EEF2K: variants seen among roughly 807,000 people sequenced by gnomAD.
The protein encoded by EEF2K is eukaryotic elongation factor 2 kinase, also known as alternative protein EEF2K.
EEF2K carries 70 observed loss-of-function variants against 93.8 expected under a neutral mutation model. The observed-to-expected ratio is 0.75, with a 90% CI of 0.62 to 0.91. The LOEUF is 0.91. EEF2K is among the 40% of genes least tolerant of loss of function. The pLI, the probability that EEF2K is intolerant of heterozygous loss-of-function variation, is 0.00. For missense variants in EEF2K, 935 were observed against 972.9 expected (o/e 0.96, Z 0.52); for synonymous variants, 376 against 380.8 (o/e 0.99, Z 0.15).
intron 15 of EEF2K, among the ~76,000 whole-genome samples, chr16:22,269,548 C>T (rs1437836368): frequency 6.6e-6 from 1 of 151,916 alleles, no homozygotes; most frequent in African/African-American, 2.4e-5. Flanking sequence ...AATACAGGTG[C>T]CTGCCACCAC....
intron 17 of EEF2K, 47 bp downstream of exon 17, chr16:22,280,423 G>T: frequency 7.2e-7 from 1 of 1,390,500 alleles, no homozygotes; most frequent in Non-Finnish European, 9.4e-7. Flanking sequence ...GGCTGGGCAG[G>T]GAGGAACCTA....
chr16:22,242,976 T>G (rs1264473995), intron 2 of EEF2K, among the ~76,000 whole-genome samples: 2 of 151,686 alleles, frequency 1.3e-5, no homozygotes, highest in Non-Finnish European at 2.9e-5. Flanking sequence ...GGGTCCTAGC[T>G]ACTCAGGAGG....
intron 4 of EEF2K, 100 bp downstream of exon 4, chr16:22,248,915 A>C: frequency 8.5e-7 from 1 of 1,181,664 alleles, no homozygotes; most frequent in Non-Finnish European, 1.2e-6. Context: ...CACTTTATTT[A>C]ATTTTTGTAA....
intron 3 of EEF2K, among the ~76,000 whole-genome samples, chr16:22,246,673 A>G (rs1174034667): frequency 6.6e-6 from 1 of 152,054 alleles, no homozygotes; most frequent in Non-Finnish European, 1.5e-5. Flanking sequence ...TGAAGGCTTC[A>G]GAAATAGCCC....
At chr16:22,211,957 C>T (rs554729039) in intron 1 of EEF2K, among the ~76,000 whole-genome samples, 6 of 152,122 alleles carry the variant, frequency 3.9e-5, no homozygotes, top group South Asian at 2.1e-4. Context: ...GTCTGGCCAC[C>T]GAGAGGGCTG....
At position 22,221,652 on chromosome 16, in the gene EEF2K, C is replaced by T. The variant is rs371138315; in HGVS notation, c.-76-4002C>T. Among the ~76,000 whole-genome samples the T allele has an allele frequency of 2.0e-5, 3 of 152,106 alleles. 1 individual carries two copies. The highest frequency in any genetic ancestry group is 4.4e-5 in the Non-Finnish European group (3 of 68,018). ...AAGACTGTGCACCTGATGGACAGCA[C>T]TGTCAAAAAAATTGGAATTATTGGT... is the stretch of plus-strand genomic sequence containing the variant. On this transcript the variant is annotated intron_variant, in intron 1 of 17. Transcript: ENST00000263026.
intron 2 of EEF2K, among the ~76,000 whole-genome samples, chr16:22,243,570 T>A (rs2047247209): frequency 6.6e-6 from 1 of 151,806 alleles, no homozygotes; most frequent in African/African-American, 2.4e-5. Context: ...AAAAGTTTTA[T>A]ACCCCCGATG....
chr16:22,239,047 C>G (rs915046902), intron 2 of EEF2K, among the ~76,000 whole-genome samples: 1 of 150,758 alleles, frequency 6.6e-6, no homozygotes, highest in Non-Finnish European at 1.5e-5. Context: ...GAACCAGAGT[C>G]AGGGACATGA....
At position 22,287,782 on chromosome 16, in the gene EEF2K, G is replaced by C. The variant is rs1235283056; in HGVS notation, c.*3786G>C. The C allele has an allele frequency of 6.6e-6, 1 of 152,094 alleles. No homozygotes were observed. The highest frequency in any genetic ancestry group is 2.4e-5 in the African/African-American group (1 of 41,416). 9.4% of individuals were successfully genotyped at this position (152,094 alleles called of 1,614,324 possible). On this transcript the variant is annotated 3_prime_UTR_variant, in exon 18 of 18. Transcript: ENST00000263026. ...CTGGGAATTTATCAAATGCAGCTTTGACCTCCAAGCCAAGTAAACTGCTCT... is the reference window on the plus strand; with the variant it reads ...CTGGGAATTTATCAAATGCAGCTTTCACCTCCAAGCCAAGTAAACTGCTCT...
At chr16:22,225,567 A>G (rs769508059) in intron 1 of EEF2K, 87 bp from the exon 2 acceptor site, 41 of 1,113,842 alleles carry the variant, frequency 3.7e-5, no homozygotes, top group Admixed American at 1.1e-4. Flanking sequence ...AGCTCCTGCG[A>G]TAGCCTGCAG....
chr16:22,216,257 C>G (rs186777709), intron 1 of EEF2K, among the ~76,000 whole-genome samples: 2 of 152,282 alleles, frequency 1.3e-5, no homozygotes, highest in South Asian at 2.1e-4. Context: ...AACAGCCTAG[C>G]GCTGTGTAGT....
chr16:22,275,530 A>G (rs1371684891), intron 16 of EEF2K, among the ~76,000 whole-genome samples: 1 of 151,682 alleles, frequency 6.6e-6, no homozygotes. Flanking sequence ...TTAAATACAG[A>G]CAAGATTTCA....
intron 10 of EEF2K, 81 bp downstream of exon 10, chr16:22,258,776 G>C: frequency 6.4e-7 from 1 of 1,566,516 alleles, no homozygotes; most frequent in Non-Finnish European, 8.7e-7. Context: ...ATTTATGTTA[G>C]AAAAATCAGA....
chr16:22,280,262 G>A lies in EEF2K; in HGVS notation c.1954G>A (p.Glu652Lys), dbSNP rs1479517177. The stretch of plus-strand genomic sequence containing the variant: ...TGCCCTGGAGATGACGGACTGTGAT[G>A]AGGGCGGTGAGTACGACGGAATGCA... ...NTALEMTDCD[E>K]GGEYDGMQDE... Residue 652 changes from glutamate to lysine, a missense_variant, in exon 17 of 18, where the codon GAG becomes AAG. By Grantham distance (56) the Glu-to-Lys change is moderately conservative. Transcript: ENST00000263026. 4 of 1,605,786 alleles carry A rather than the reference G, an allele frequency of 2.5e-6. No homozygotes were observed. Among genetic ancestry groups the A allele is most frequent in the Non-Finnish European group, 2.6e-6 (3 of 1,176,250 alleles).
At chr16:22,231,252 C>G (rs2047111999) in intron 2 of EEF2K, among the ~76,000 whole-genome samples, 1 of 151,692 alleles carries the variant, frequency 6.6e-6, no homozygotes, top group Admixed American at 6.6e-5. Flanking sequence ...CCACGCCTTG[C>G]TAATTTTTTA....
chr16:22,243,088 G>T (rs1249528812), intron 2 of EEF2K, among the ~76,000 whole-genome samples: 3 of 151,760 alleles, frequency 2.0e-5, no homozygotes, highest in African/African-American at 7.3e-5. Context: ...AAATAAAAAA[G>T]GCAACATATC....
Position 22,266,801 on chromosome 16 carries a change from G to A in EEF2K, c.1689G>A (p.Glu563=), listed in dbSNP as rs2047527609. Residue 563 remains glutamate, a synonymous_variant, in exon 15 of 18, where the codon GAG becomes GAA. Transcript: ENST00000263026. The stretch of plus-strand genomic sequence containing the variant: ...TGGAGCACGCAGCCAACCTGGGCGA[G>A]CTGGAGGCCATCGTGGGCCTGGGAC... The part of the protein sequence containing the change: ...FHLEHAANLG[E]LEAIVGLGLM... 1.2e-6 allele frequency: 2 copies of A among 1,614,112 alleles called. No homozygotes were observed. The highest frequency in any genetic ancestry group is 1.7e-5 in the Admixed American group (1 of 60,008).
chr16:22,246,014 A>T (rs988628900), intron 3 of EEF2K, among the ~76,000 whole-genome samples: 5 of 152,062 alleles, frequency 3.3e-5, no homozygotes, highest in Admixed American at 6.6e-5. Flanking sequence ...ATAGCATCAG[A>T]TCCCACAGGT....
chr16:22,231,238 G>A (rs1360219048), intron 2 of EEF2K, among the ~76,000 whole-genome samples: 4 of 151,768 alleles, frequency 2.6e-5, no homozygotes, highest in African/African-American at 9.7e-5. Context: ...ACAGCCGCCC[G>A]CCACCACGCC....
Sources: gnomAD v4.1 joint callset for allele counts (sites outside exome capture counted in the v4.1 genomes callset) on GRCh38, gnomAD v4.1.1 for gene constraint, MANE v1.5 for transcripts, NCBI Gene and HGNC (gene_info 2026-07-23, HGNC 2026-07-21) for gene names.